Variants in RABGAP1 observed in about 807,000 individuals in gnomAD.
The protein encoded by RABGAP1 is rab GTPase-activating protein 1.
A neutral mutation model predicts 137.6 loss-of-function variants in RABGAP1; 23 were observed. The observed-to-expected ratio is 0.17, with a 90% CI of 0.12 to 0.24. The LOEUF (loss-of-function observed/expected upper bound fraction) is 0.24, where lower values mean the gene tolerates loss of function less well. Among genes scored for constraint, RABGAP1 ranks in the 10% least tolerant of loss-of-function variants. The probability of loss-of-function intolerance (pLI) is 1.00; values close to 1 mark genes in which losing one functional copy is unlikely to be tolerated. For missense variants in RABGAP1, 906 were observed against 1,275.8 expected, an observed-to-expected ratio of 0.71 and a Z score of 4.42; for synonymous variants, 451 against 450.7, an observed-to-expected ratio of 1.00 and a Z score of -0.01.
At chr9:122,968,125 G>A (rs1835272197) in intron 2 of RABGAP1, among the ~76,000 whole-genome samples, 2 of 151,676 alleles carry the variant, frequency 1.3e-5, no homozygotes, top group African/African-American at 2.4e-5. Flanking sequence ...AGACATTTTC[G>A]TACAGGTGTG....
intron 2 of RABGAP1, among the ~76,000 whole-genome samples, chr9:122,967,433 A>G (rs1835219425): frequency 6.6e-6 from 1 of 152,216 alleles, no homozygotes; most frequent in South Asian, 2.1e-4. Flanking sequence ...TTTAGTAAAA[A>G]GGGTATGTTA....
At chr9:122,969,096 C>T (rs1564367383) in intron 2 of RABGAP1, among the ~76,000 whole-genome samples, 1 of 152,106 alleles carries the variant, frequency 6.6e-6, no homozygotes, top group Non-Finnish European at 1.5e-5. Context: ...GAAGGTGGTC[C>T]CAAAAGATTA....
chr9:122,967,024 T>TA (rs2131666911), intron 2 of RABGAP1, among the ~76,000 whole-genome samples: 1 of 152,272 alleles, frequency 6.6e-6, no homozygotes, highest in South Asian at 2.1e-4. Context: ...TTGGGGGAGT[T>TA]ACAATTCAAA....
At chr9:122,969,695 T>C (rs927799592) in intron 2 of RABGAP1, among the ~76,000 whole-genome samples, 1 of 151,750 alleles carries the variant, frequency 6.6e-6, no homozygotes, top group Non-Finnish European at 1.5e-5. Flanking sequence ...CCTAACACAT[T>C]TTTTTTGCCA....
At chr9:123,035,374 A>G (rs201602613) in intron 13 of RABGAP1, 3 of 1,614,110 alleles carry the variant, frequency 1.9e-6, no homozygotes, top group African/African-American at 2.7e-5. Flanking sequence ...GCCATATATC[A>G]TCTACTTCTT....
chr9:122,984,549 C>G lies in RABGAP1; in HGVS notation c.215C>G (p.Pro72Arg). ...KELADVLMDP[P>R]MDDQPGEKEL... ...CTAGCAGATGTACTGATGGATCCTC[C>G]AATGGACGACCAGCCAGGGGAAAAG... The change falls in exon 3 of 26, where the codon CCA (proline) becomes CGA (arginine). Residue 72 changes from proline (P) to arginine (R), a missense_variant. Physicochemically the swap from Pro to Arg is moderately radical, Grantham distance 103 (BLOSUM62 -2). Coordinates refer to ENST00000373647, the MANE Select transcript of RABGAP1 (RefSeq NM_012197.4). The G allele has an allele frequency of 6.2e-7, 1 of 1,614,130 alleles. No individual in the cohort carries two copies. Among genetic ancestry groups the G allele is most frequent in the East Asian group, 2.2e-5 (1 of 44,882 alleles).
chr9:122,972,457 C>T (rs1225648840), intron 2 of RABGAP1, among the ~76,000 whole-genome samples: 1 of 152,014 alleles, frequency 6.6e-6, no homozygotes, highest in Non-Finnish European at 1.5e-5. Flanking sequence ...TCCATGTAGT[C>T]GCTCGTCTTA....
At chr9:122,942,975 G>A (rs910887209) in intron 1 of RABGAP1, among the ~76,000 whole-genome samples, 1 of 151,642 alleles carries the variant, frequency 6.6e-6, no homozygotes, top group Non-Finnish European at 1.5e-5. Context: ...GGGTGCCACT[G>A]CACTCTAGCC....
At chr9:123,055,546 C>CTTTT (rs930532167) in intron 13 of RABGAP1, among the ~76,000 whole-genome samples, 36 of 121,958 alleles carry the variant, frequency 3.0e-4, no homozygotes, top group East Asian at 9.2e-4. Context: ...ATTTCTTCTT[C>CTTTT]TTTTTTTTTT....
intron 14 of RABGAP1, among the ~76,000 whole-genome samples, chr9:123,066,932 T>A (rs1422626816): frequency 6.6e-6 from 1 of 152,252 alleles, no homozygotes; most frequent in African/African-American, 2.4e-5. Context: ...TATTTATCAA[T>A]GTATTGTCAC....
At chr9:122,954,887 T>G (rs1336152098) in intron 1 of RABGAP1, among the ~76,000 whole-genome samples, 2 of 152,194 alleles carry the variant, frequency 1.3e-5, no homozygotes, top group Non-Finnish European at 2.9e-5. Flanking sequence ...TCTCTAAGAC[T>G]TAATTTCCTC....
chr9:123,000,263 C>A (rs541443324), intron 10 of RABGAP1, among the ~76,000 whole-genome samples: 25 of 151,172 alleles, frequency 1.7e-4, no homozygotes, highest in Non-Finnish European at 1.6e-4. Context: ...TTTCTTAAAT[C>A]GGGCAGTTAA....
At chr9:122,994,266 C>T (rs1836904223) in intron 6 of RABGAP1, among the ~76,000 whole-genome samples, 1 of 152,196 alleles carries the variant, frequency 6.6e-6, no homozygotes. Context: ...CCTGTTACTG[C>T]ATCCCTGTAG....
chr9:122,979,347 C>T (rs1183544331), intron 2 of RABGAP1, among the ~76,000 whole-genome samples: 1 of 152,122 alleles, frequency 6.6e-6, no homozygotes, highest in African/African-American at 2.4e-5. Flanking sequence ...TTGTTTTCTT[C>T]TTAAGAGTTC....
chr9:123,051,953 G>T (rs997728812), intron 13 of RABGAP1, among the ~76,000 whole-genome samples: 1 of 137,816 alleles, frequency 7.3e-6, no homozygotes, highest in Non-Finnish European at 1.5e-5. Flanking sequence ...CACCACGCCC[G>T]GCTAATTTTT....
rs1427128198 is a variant in RABGAP1 at position 123,070,320 on chromosome 9, T to C, written c.1909-30T>C. The C allele has an allele frequency of 6.2e-7, 1 of 1,613,370 alleles. No homozygotes were observed. Among genetic ancestry groups the C allele is most frequent in the East Asian group, 2.2e-5 (1 of 44,886 alleles). ...TGGCCCACAAGTGGCTACATTCATTTACATTTCCTCTGTGTGTTTTATTTT... is the reference window on the plus strand; with the variant it reads ...TGGCCCACAAGTGGCTACATTCATTCACATTTCCTCTGTGTGTTTTATTTT... On this transcript the variant is annotated intron_variant, in intron 14 of 25. Coordinates refer to ENST00000373647, the MANE Select transcript of RABGAP1 (RefSeq NM_012197.4). This position sits in a 1 kb window ranked among gnomAD's most constrained non-coding sequence, Gnocchi z 4.4.
intron 2 of RABGAP1, among the ~76,000 whole-genome samples, chr9:122,963,421 C>G (rs1200368113): frequency 6.6e-6 from 1 of 151,838 alleles, no homozygotes; most frequent in African/African-American, 2.4e-5. Context: ...TCAAGTGCAC[C>G]CAAAGTATTA....
chr9:123,046,837 T>G (rs1184316732), intron 13 of RABGAP1, among the ~76,000 whole-genome samples: 1 of 152,196 alleles, frequency 6.6e-6, no homozygotes, highest in East Asian at 1.9e-4. Flanking sequence ...TTAAGACTTC[T>G]GAGAAAATGA....
At chr9:123,000,190 T>A (rs1017382231) in intron 10 of RABGAP1, among the ~76,000 whole-genome samples, 1 of 152,212 alleles carries the variant, frequency 6.6e-6, no homozygotes, top group Non-Finnish European at 1.5e-5. Flanking sequence ...GTTAAACATC[T>A]TAAGTGATGC....
Sources: gnomAD v4.1 joint callset for allele counts (sites outside exome capture counted in the v4.1 genomes callset) on GRCh38, gnomAD v4.1.1 for gene constraint, Gnocchi (gnomAD v3.1) non-coding constraint, MANE v1.5 for transcripts, NCBI Gene and HGNC (gene_info 2026-07-23, HGNC 2026-07-21) for gene names.